ARHGEF40: variants seen among roughly 807,000 people sequenced by gnomAD.
ARHGEF40 encodes the protein Rho guanine nucleotide exchange factor 40.
ARHGEF40 carries 98 observed loss-of-function variants against 165.9 expected under a neutral mutation model. That is an observed-to-expected ratio of 0.59 (90% CI 0.50 to 0.70). ARHGEF40 has a LOEUF of 0.70. ARHGEF40 is among the 30% of genes least tolerant of loss of function. The pLI, the probability that ARHGEF40 is intolerant of heterozygous loss-of-function variation, is 0.00. For synonymous variants in ARHGEF40, 792 were observed against 814.3 expected, an observed-to-expected ratio of 0.97 and a Z score of 0.47; for missense variants, 1,815 against 1,968.0, an observed-to-expected ratio of 0.92 and a Z score of 1.47.
At chr14:21,062,142 GT>G in the ARHGEF40 span, among the ~76,000 whole-genome samples, 1 of 152,190 alleles carries the variant, frequency 6.6e-6, no homozygotes, top group Non-Finnish European at 1.5e-5. Flanking sequence ...GGAAACATAA[GT>G]GTTAAAAAGC....
At chr14:21,079,964 G>A (rs1403299144) in intron 11 of ARHGEF40, among the ~76,000 whole-genome samples, 1 of 152,098 alleles carries the variant, frequency 6.6e-6, no homozygotes, top group Non-Finnish European at 1.5e-5. Flanking sequence ...AATGCGGATG[G>A]TAACAATTAA....
intron 18 of ARHGEF40, 65 bp from the exon 19 acceptor site, chr14:21,085,624 G>A (rs935522503): frequency 5.8e-6 from 9 of 1,557,668 alleles, no homozygotes; most frequent in Non-Finnish European, 6.1e-6. Flanking sequence ...CCCAGTGCTT[G>A]CCATGTGGCG....
At position 21,084,793 on chromosome 14, in the gene ARHGEF40, C is replaced by T. The variant is rs1319591261; in HGVS notation, c.3830C>T (p.Pro1277Leu). 6.2e-7 allele frequency: 1 copy of T among 1,614,012 alleles called. No individual in the cohort carries two copies. The highest frequency in any genetic ancestry group is 8.5e-7 in the Non-Finnish European group (1 of 1,180,038). ...CAGGGACAGCTCTTGCATCGAGACC[C>T]CTTCACTGTCATCTGTGGCCGAAAG... ...KEQGQLLHRDPFTVICGRKKC... is the reference protein window; with the variant it reads ...KEQGQLLHRDLFTVICGRKKC... Residue 1277 changes from proline to leucine, a missense_variant, in exon 18 of 24, where the codon CCC (proline) becomes CTC (leucine). Physicochemically the swap from Pro to Leu is moderately conservative, Grantham distance 98. Transcript: ENST00000298694.
In ARHGEF40 at chr14:21,087,344, C is replaced by T. The variant is rs147855408; in HGVS notation, c.4268C>T (p.Ala1423Val). 1 of 1,606,612 alleles carries T rather than the reference C, an allele frequency of 6.2e-7. No homozygotes were observed. The highest frequency in any genetic ancestry group is 8.5e-7 in the Non-Finnish European group (1 of 1,179,644). The change falls in exon 21 of 24, where the codon GCC becomes GTC. Residue 1423 changes from alanine to valine, a missense_variant. By Grantham distance (64) the Ala-to-Val change is moderately conservative (BLOSUM62 0). Coordinates refer to ENST00000298694, the MANE Select transcript of ARHGEF40 (RefSeq NM_018071.5). Reference sequence around the variant, plus strand: ...GCCGCCCGCACCCGGGCCTCCGTGGCCGTGTCATCCTTTGAGCATGCCGGC... The same window carrying T: ...GCCGCCCGCACCCGGGCCTCCGTGGTCGTGTCATCCTTTGAGCATGCCGGC... ...GRAARTRASV[A>V]VSSFEHAGPS...
At chr14:21,061,967 T>C in the ARHGEF40 span, among the ~76,000 whole-genome samples, 2 of 152,240 alleles carry the variant, frequency 1.3e-5, no homozygotes, top group African/African-American at 4.8e-5. Flanking sequence ...GGAATATATA[T>C]TGAATTTATA....
rs761219833 is a variant in ARHGEF40 at position 21,073,035 on chromosome 14, A to G, written c.4-10A>G. ...CTCTAGGGATCTGTAGCCTGGTCCT[A>G]TCTCTACAGGAGCCTGAGCCAGTGG... On this transcript the variant is annotated splice_polypyrimidine_tract_variant and intron_variant, in intron 1 of 23. Transcript: ENST00000298694. This position sits in a 1 kb window ranked among gnomAD's most constrained non-coding sequence, Gnocchi z 4.6. 8.7e-6 allele frequency: 14 copies of G among 1,611,996 alleles called. No homozygotes were observed. The highest frequency in any genetic ancestry group is 2.2e-5 in the South Asian group (2 of 91,036).
upstream of ARHGEF40, among the ~76,000 whole-genome samples, chr14:21,068,836 TG>T (rs1886441823): frequency 6.6e-6 from 1 of 152,232 alleles, no homozygotes; most frequent in Non-Finnish European, 1.5e-5. Context: ...GATGAACACT[TG>T]CTCTGTCCTT....
chr14:21,074,441 A>G lies in ARHGEF40; in HGVS notation c.711A>G (p.Gly237=), dbSNP rs781471993. 3.1e-6 allele frequency: 5 copies of G among 1,603,022 alleles called. No homozygotes were observed. The highest frequency in any genetic ancestry group is 4.3e-6 in the Non-Finnish European group (5 of 1,175,392). The change falls in exon 3 of 24, where the codon GGA becomes GGG. Residue 237 remains glycine (G), a synonymous_variant. Transcript: ENST00000298694. This position sits in a 1 kb window ranked among gnomAD's most constrained non-coding sequence, Gnocchi z 4.8. ...ATGGGCACAATGCCCCTGTGGAAGG[A>G]CCTGAGGGCGAGTATGTGGAGCTGT... ...PGDGHNAPVE[G]PEGEYVELLE...
At position 21,087,348 on chromosome 14, in the gene ARHGEF40, G is replaced by T. The variant is rs760616276; in HGVS notation, c.4272G>T (p.Val1424=). Reference sequence around the variant, plus strand: ...CCCGCACCCGGGCCTCCGTGGCCGTGTCATCCTTTGAGCATGCCGGCCCCT... The same window carrying T: ...CCCGCACCCGGGCCTCCGTGGCCGTTTCATCCTTTGAGCATGCCGGCCCCT... ...RAARTRASVA[V]SSFEHAGPSL... is the part of the protein sequence containing the mutation. Residue 1424 remains valine, a synonymous_variant, in exon 21 of 24, where the codon GTG becomes GTT. Transcript: ENST00000298694. 1 of 1,606,706 alleles carries T rather than the reference G, an allele frequency of 6.2e-7. No homozygotes were observed. The highest frequency in any genetic ancestry group is 8.5e-7 in the Non-Finnish European group (1 of 1,179,744).
In ARHGEF40 at chr14:21,070,792, G is replaced by A. The variant is rs1276534977; in HGVS notation, c.3+393G>A. The A allele has an allele frequency of 1.2e-5, 19 of 1,534,914 alleles. No homozygotes were observed. The highest frequency in any genetic ancestry group is 2.4e-5 in the East Asian group (1 of 40,872). On this transcript the variant is annotated intron_variant, in intron 1 of 23. Transcript: ENST00000298694. The surrounding 1 kb of genome is among the most constrained non-coding windows in gnomAD (Gnocchi z 4.7). ...TGCGGGTTGGTCCTGCAGCGACCCT[G>A]GAAGAGGCCCGGCCCCTCGGGTCAT...
chr14:21,080,189 A>C (rs1049746532), intron 11 of ARHGEF40, among the ~76,000 whole-genome samples: 1 of 143,018 alleles, frequency 7.0e-6, no homozygotes, highest in Non-Finnish European at 1.5e-5. Context: ...ATATTAGGAA[A>C]TTAAAGCCGG....
chr14:21,075,063 C>T lies in ARHGEF40; in HGVS notation c.1333C>T (p.Pro445Ser). ...AGGCTCAGGGAAGCCAGAATCTGAG[C>T]CAAAAGAGCTCAAAACAGCAGGCGA... ...YEGSGKPESE[P>S]KELKTAGEKE... The change falls in exon 3 of 24, where the codon CCA (proline) becomes TCA (serine). Residue 445 changes from proline to serine, a missense_variant. Pro to Ser is a moderately conservative substitution (Grantham distance 74). Coordinates refer to ENST00000298694, the MANE Select transcript of ARHGEF40 (RefSeq NM_018071.5). This position sits in a 1 kb window ranked among gnomAD's most constrained non-coding sequence, Gnocchi z 4.5. The T allele has an allele frequency of 1.2e-6, 2 of 1,614,100 alleles. No individual in the cohort carries two copies. The highest frequency in any genetic ancestry group is 1.7e-6 in the Non-Finnish European group (2 of 1,180,026).
At chr14:21,069,159 G>C (rs571342608), upstream of ARHGEF40, among the ~76,000 whole-genome samples, 26 of 152,380 alleles carry the variant, frequency 1.7e-4, no homozygotes, top group South Asian at 5.4e-3. Context: ...TCAGAGGCCA[G>C]GCAGGGCATC....
At position 21,074,344 on chromosome 14, in the gene ARHGEF40, T is replaced by G; in HGVS notation, c.614T>G (p.Leu205Arg). 1 of 1,614,132 alleles carries G rather than the reference T, an allele frequency of 6.2e-7. No individual in the cohort carries two copies. Among genetic ancestry groups the G allele is most frequent in the South Asian group, 1.1e-5 (1 of 91,086 alleles). ...CAGCCAAGTACACTGCCCCCAGAAC[T>G]GCCCTCTGGACCTCCAGGGCTTCCC... ...GHQPSTLPPE[L>R]PSGPPGLPSP... Residue 205 changes from leucine (L) to arginine (R), a missense_variant, in exon 3 of 24, where the codon CTG (leucine) becomes CGG (arginine). Leu to Arg is a moderately radical substitution (Grantham distance 102). Transcript: ENST00000298694. This position sits in a 1 kb window ranked among gnomAD's most constrained non-coding sequence, Gnocchi z 4.8.
rs1461015139 is a variant in ARHGEF40, at chr14:21,085,784, G to T, written c.4056G>T (p.Leu1352=). The change falls in exon 19 of 24, where the codon CTG becomes CTT. Residue 1352 remains leucine (L), a synonymous_variant. Coordinates refer to ENST00000298694, the MANE Select transcript of ARHGEF40 (RefSeq NM_018071.5). The stretch of plus-strand genomic sequence containing the variant: ...GGCGTGCACGAGAGGCATACACTCT[G>T]CAGGCAACCTCACCAGAGATCAAAC... The part of the protein sequence containing the change: ...RRRRAREAYT[L]QATSPEIKLK... 1.2e-6 allele frequency: 2 copies of T among 1,614,214 alleles called. No individual in the cohort carries two copies. Among genetic ancestry groups the T allele is most frequent in the Non-Finnish European group, 1.7e-6 (2 of 1,180,046 alleles).
chr14:21,079,034 T>C (rs747384421), intron 11 of ARHGEF40, 24 bp downstream of exon 11: 5 of 1,604,180 alleles, frequency 3.1e-6, no homozygotes, highest in South Asian at 2.2e-5. Flanking sequence ...CCCACGTCCC[T>C]CTTACTCAGC....
Position 21,074,564 on chromosome 14 carries a change from A to G in ARHGEF40, c.834A>G (p.Gly278=). The G allele has an allele frequency of 6.4e-7, 1 of 1,554,444 alleles. No homozygotes were observed. The highest frequency in any genetic ancestry group is 8.7e-7 in the Non-Finnish European group (1 of 1,150,026). The change falls in exon 3 of 24, where the codon GGA becomes GGG. Residue 278 remains glycine, a synonymous_variant. Transcript: ENST00000298694. This position sits in a 1 kb window ranked among gnomAD's most constrained non-coding sequence, Gnocchi z 4.8. The part of the protein sequence containing the change: ...VRTVPTRKGA[G]GKGRHRRHRA... ...CGGTACCCACCCGCAAGGGCGCTGG[A>G]GGGAAGGGCCGCCACCGGAGACACC...
chr14:21,086,161 T>C lies in ARHGEF40; in HGVS notation c.4138+295T>C, dbSNP rs1306876513. On this transcript the variant is annotated intron_variant, in intron 19 of 23. Transcript: ENST00000298694. ...GGGAGGCCAAAGTGGGAGGATTGTT[T>C]GAGGCCAGGTGTTCAAGACCAGCCT... is the stretch of plus-strand genomic sequence containing the variant. 3 of 340,028 alleles carry C rather than the reference T, an allele frequency of 8.8e-6. No homozygotes were observed. The East Asian group carries it at 2.0e-4, about 22-fold the overall frequency. The allele number at this position is 340,028 out of a possible 1,614,324, so 21.1% of individuals were successfully genotyped here.
At chr14:21,067,980 C>CTTTTT (rs1171332473), upstream of ARHGEF40, among the ~76,000 whole-genome samples, 2 of 22,284 alleles carry the variant, frequency 9.0e-5, no homozygotes, top group Non-Finnish European at 2.5e-4. Context: ...AGTGGCTCCC[C>CTTTTT]TTTTTTTTTT....
Sources: allele counts gnomAD v4.1 joint callset (sites outside exome capture counted in the v4.1 genomes callset), GRCh38; gene constraint gnomAD v4.1.1; non-coding constraint Gnocchi (gnomAD v3.1); transcripts MANE v1.5; gene names NCBI Gene and HGNC (gene_info 2026-07-23, HGNC 2026-07-21).